Variants in ARHGAP45 observed in about 807,000 individuals in gnomAD.
ARHGAP45 encodes Rho GTPase activating protein 45.
In ARHGAP45, 56 loss-of-function variants were observed where a neutral mutation model predicts 116.1. The observed-to-expected ratio is 0.48, with a 90% CI of 0.39 to 0.60. The LOEUF (loss-of-function observed/expected upper bound fraction) is 0.60, where lower values mean the gene tolerates loss of function less well. Among genes scored for constraint, ARHGAP45 ranks in the 20% least tolerant of loss-of-function variants. The pLI, the probability that ARHGAP45 is intolerant of heterozygous loss-of-function variation, is 0.00. For missense variants in ARHGAP45, 1,622 were observed against 1,601.0 expected (o/e 1.01, Z -0.22); for synonymous variants, 866 against 701.7 (o/e 1.23, Z -3.70).
At chr19:1,079,636 G>A in intron 11 of ARHGAP45, 67 bp from the exon 12 acceptor site, 1 of 1,565,402 alleles carries the variant, frequency 6.4e-7, no homozygotes, top group Non-Finnish European at 8.7e-7. Context: ...CCGCCTCCCT[G>A]AGGTTTCTGT....
chr19:1,084,836 C>T (rs111232786), intron 22 of ARHGAP45, among the ~76,000 whole-genome samples: 3 of 152,074 alleles, frequency 2.0e-5, no homozygotes, highest in East Asian at 1.9e-4. Context: ...CTGTAATCCT[C>T]GCACTTTGGG....
chr19:1,067,716 C>T (rs1279677165), intron 1 of ARHGAP45: 1 of 693,208 alleles, frequency 1.4e-6, no homozygotes, highest in South Asian at 1.5e-5. Flanking sequence ...TCCACTCCAT[C>T]CAGGGCTGGC....
chr19:1,084,036 C>T (rs1249832912), intron 21 of ARHGAP45, among the ~76,000 whole-genome samples: 5 of 152,156 alleles, frequency 3.3e-5, no homozygotes, highest in South Asian at 2.1e-4. Context: ...AGCCACTGCA[C>T]GCGGCGTCTC....
At chr19:1,085,204 G>A (rs2043570419) in intron 22 of ARHGAP45, among the ~76,000 whole-genome samples, 1 of 152,188 alleles carries the variant, frequency 6.6e-6, no homozygotes, top group East Asian at 1.9e-4. Flanking sequence ...GTCACATCTT[G>A]CATGGATGGT....
intron 10 of ARHGAP45, among the ~76,000 whole-genome samples, chr19:1,076,332 T>A (rs1422728777): frequency 6.6e-6 from 1 of 152,168 alleles, no homozygotes; most frequent in Non-Finnish European, 1.5e-5. Context: ...ATCATTGATT[T>A]GTCAGAGCTT....
chr19:1,066,695 C>T (rs2144996369), upstream of ARHGAP45: 1 of 157,104 alleles, frequency 6.4e-6, no homozygotes, highest in East Asian at 1.9e-4. Context: ...GGTTTCGGTT[C>T]TGGGCCTCAG....
intron 19 of ARHGAP45, chr19:1,082,434 AG>A: frequency 6.4e-6 from 1 of 155,540 alleles, no homozygotes; most frequent in Non-Finnish European, 1.1e-5. Context: ...GGCTGGGGCC[AG>A]GGGCGTGGTC....
rs1028516231 is a variant in ARHGAP45, at chr19:1,077,148, C to T, written c.1186-709C>T. 45 of 985,346 alleles carry T rather than the reference C, an allele frequency of 4.6e-5. No individual in the cohort carries two copies. The South Asian group carries it at 9.9e-4, about 22-fold the overall frequency. The allele number at this position is 985,346 out of a possible 1,614,324, so 61.0% of individuals were successfully genotyped here. A position where few individuals can be genotyped will look rare whatever the true frequency, so the allele number is the denominator to read the frequency against. On this transcript the variant is annotated intron_variant, in intron 10 of 22. Coordinates refer to ENST00000313093, the MANE Select transcript of ARHGAP45 (RefSeq NM_012292.5). ...AGTGCTCTTCCTGCCAACCTGTGGG[C>T]GCCTGGCTTCCTGCCTGGGCGGCTT...
intron 2 of ARHGAP45, among the ~76,000 whole-genome samples, chr19:1,070,427 T>C (rs1449891033): frequency 6.8e-6 from 1 of 147,206 alleles, no homozygotes; most frequent in Non-Finnish European, 1.5e-5. Flanking sequence ...ACCTCCTGGG[T>C]TCAAGTGGTT....
intron 21 of ARHGAP45, among the ~76,000 whole-genome samples, chr19:1,083,556 C>T (rs1295659386): frequency 2.0e-5 from 3 of 152,164 alleles, no homozygotes; most frequent in East Asian, 1.9e-4. Flanking sequence ...GGCAGAGGTG[C>T]AAAGGCTCTG....
At chr19:1,073,775 G>A (rs746741665) in intron 5 of ARHGAP45, 29 bp downstream of exon 5, 3 of 1,564,092 alleles carry the variant, frequency 1.9e-6, no homozygotes, top group Non-Finnish European at 8.7e-7. Context: ...GGCCACCTGT[G>A]TCCAGCTTCT....
At position 1,068,860 on chromosome 19, in the gene ARHGAP45, G is replaced by A; in HGVS notation, c.421+116G>A. The A allele has an allele frequency of 8.9e-6, 9 of 1,010,488 alleles. No individual in the cohort carries two copies. Among genetic ancestry groups the A allele is most frequent in the Non-Finnish European group, 1.3e-5 (9 of 671,406 alleles). 62.6% of individuals were successfully genotyped at this position (1,010,488 alleles called of 1,614,324 possible). A position where few individuals can be genotyped will look rare whatever the true frequency, so the allele number is the denominator to read the frequency against. On this transcript the variant is annotated intron_variant, in intron 2 of 22. Transcript: ENST00000313093. This position sits in a 1 kb window ranked among gnomAD's most constrained non-coding sequence, Gnocchi z 7.5. ...GAGGGAGGCTCAGATGGCAGGGAGG[G>A]CTGTGTGGAAGAGGCCATGACAGCT...
rs1346082397 is a variant in ARHGAP45, at chr19:1,081,800, C to G, written c.2380-24C>G. On this transcript the variant is annotated intron_variant, in intron 18 of 22. Transcript: ENST00000313093. ...CGGGAGTGGGCCGAGGCTGATGGGC[C>G]TCCCCACCCCCGGGCTCCCGCAGGG... 1.9e-6 allele frequency: 3 copies of G among 1,591,226 alleles called. No individual in the cohort carries two copies. In the Admixed American group the frequency reaches 5.2e-5, roughly 28 times the overall value.
In ARHGAP45 at chr19:1,083,350, C is replaced by T. The variant is rs1039766818; in HGVS notation, c.2952C>T (p.Gly984=). The T allele has an allele frequency of 4.5e-6, 7 of 1,545,658 alleles. No homozygotes were observed. The highest frequency in any genetic ancestry group is 1.9e-5 in the Admixed American group (1 of 51,452). The change falls in exon 21 of 23, where the codon GGC becomes GGT. Residue 984 remains glycine, a synonymous_variant. Transcript: ENST00000313093. ...FEEEPEETPG[G]QDESSNQRAE... ...AGGAGCCGGAGGAGACCCCCGGGGG[C>T]CAGGTGAGGGTGTGGGCCTGACCGG...
In ARHGAP45 at chr19:1,073,185, G is replaced by T; in HGVS notation, c.458G>T (p.Cys153Phe). The change falls in exon 3 of 23, where the codon TGC becomes TTC. Residue 153 changes from cysteine (C) to phenylalanine (F), a missense_variant. By Grantham distance (205) the Cys-to-Phe change is radical (BLOSUM62 -2). Around this residue, in one of 3 missense-constraint regions of ARHGAP45, gnomAD observed 279 missense variants for 311.9 expected, o/e 0.89. Coordinates refer to ENST00000313093, the MANE Select transcript of ARHGAP45 (RefSeq NM_012292.5). ...LEARRPRAHE[C>F]LGEALRVMHQ... ...GCCCGCCGCCCGCGGGCCCACGAGT[G>T]CCTGGGTGAGGCTCTGCGTGTCATG... The T allele has an allele frequency of 6.2e-7, 1 of 1,611,828 alleles. No homozygotes were observed.
upstream of ARHGAP45, chr19:1,066,147 T>G: frequency 1.3e-6 from 2 of 1,535,246 alleles, no homozygotes; most frequent in Non-Finnish European, 1.7e-6. Flanking sequence ...CCCAGAGATC[T>G]GCCCCTCCCA....
chr19:1,074,955 T>G, intron 10 of ARHGAP45, 76 bp downstream of exon 10: 2 of 1,276,720 alleles, frequency 1.6e-6, no homozygotes, highest in Non-Finnish European at 2.0e-6. Context: ...CCCAGCCCCA[T>G]AGCGAGGGCC....
rs912691390 is a variant in ARHGAP45 at position 1,086,124 on chromosome 19, G to A, written c.*118G>A. ...CCGTCCTGGGGTCGCTGCCGAGAGC[G>A]CCTGGACTTCGACGTCCCACCAGCG... is the stretch of plus-strand genomic sequence containing the variant. On this transcript the variant is annotated 3_prime_UTR_variant, in exon 23 of 23. Transcript: ENST00000313093. The A allele has an allele frequency of 2.4e-5, 23 of 947,946 alleles. No individual in the cohort carries two copies. The highest frequency in any genetic ancestry group is 1.5e-4 in the East Asian group (6 of 38,980). The allele number at this position is 947,946 out of a possible 1,614,324, so 58.7% of individuals were successfully genotyped here. A position where few individuals can be genotyped will look rare whatever the true frequency, so the allele number is the denominator to read the frequency against.
chr19:1,081,750 G>T lies in ARHGAP45; in HGVS notation c.2379+12G>T. The T allele has an allele frequency of 6.4e-7, 1 of 1,559,862 alleles. No individual in the cohort carries two copies. On this transcript the variant is annotated intron_variant, in intron 18 of 22. Transcript: ENST00000313093. The stretch of plus-strand genomic sequence containing the variant: ...CGCTGCGCACCAAGGTGAGGCGGGG[G>T]AGGAAGCGGCTCACAGCGAGGAGGC...
Sources: allele counts gnomAD v4.1 joint callset (sites outside exome capture counted in the v4.1 genomes callset), GRCh38; gene constraint gnomAD v4.1.1; regional missense constraint gnomAD v4.1.1; non-coding constraint Gnocchi (gnomAD v3.1); transcripts MANE v1.5; gene names NCBI Gene and HGNC (gene_info 2026-07-23, HGNC 2026-07-21).